Variants in CSMD2 observed in about 807,000 individuals in gnomAD.
CSMD2 encodes CUB and sushi domain-containing protein 2.
A neutral mutation model predicts 398.5 loss-of-function variants in CSMD2; 130 were observed. That is an observed-to-expected ratio of 0.33 (90% CI 0.28 to 0.38). The LOEUF is 0.38. Among genes scored for constraint, CSMD2 ranks in the 10% least tolerant of loss-of-function variants. The pLI, the probability that CSMD2 is intolerant of heterozygous loss-of-function variation, is 1.00. For missense variants in CSMD2, 3,829 were observed against 4,764.9 expected (o/e 0.80, Z 5.78); for synonymous variants, 1,828 against 1,908.5 (o/e 0.96, Z 1.10).
chr1:33,904,486 T>C (rs1289745232), intron 5 of CSMD2, among the ~76,000 whole-genome samples: 1 of 152,228 alleles, frequency 6.6e-6, no homozygotes, highest in East Asian at 1.9e-4. Context: ...TGTTCCATTT[T>C]CTGCCTATGA....
chr1:33,635,106 T>C lies in CSMD2; in HGVS notation c.5086+108A>G. On this transcript the variant is annotated intron_variant, in intron 31 of 70. Transcript: ENST00000373381. The surrounding 1 kb of genome is among the most constrained non-coding windows in gnomAD (Gnocchi z 5.0). ...CCTTTTGGGGAGACTGTTCTGCGATTCCCACAATGGGGCTGTATATAATTG... is the reference window on the plus strand; with the variant it reads ...CCTTTTGGGGAGACTGTTCTGCGATCCCCACAATGGGGCTGTATATAATTG... 5 of 692,030 alleles carry C rather than the reference T, an allele frequency of 7.2e-6. No homozygotes were observed. Among genetic ancestry groups the C allele is most frequent in the Non-Finnish European group, 1.3e-5 (5 of 387,812 alleles). The allele number at this position is 692,030 out of a possible 1,614,324, so 42.9% of individuals were successfully genotyped here.
chr1:33,960,520 C>G (rs1032032583), intron 3 of CSMD2, among the ~76,000 whole-genome samples: 1 of 152,216 alleles, frequency 6.6e-6, no homozygotes, highest in African/African-American at 2.4e-5. Context: ...GGACATTGAT[C>G]AGACATAGGT....
chr1:33,534,671 T>C (rs529288706), intron 62 of CSMD2, among the ~76,000 whole-genome samples: 3 of 152,366 alleles, frequency 2.0e-5, no homozygotes, highest in African/African-American at 7.2e-5. Context: ...TATTACCTAC[T>C]GGAGCATGTG....
At chr1:33,752,003 C>A (rs1316245687) in intron 13 of CSMD2, among the ~76,000 whole-genome samples, 1 of 152,004 alleles carries the variant, frequency 6.6e-6, no homozygotes, top group Non-Finnish European at 1.5e-5. Flanking sequence ...ATGCAACTGG[C>A]AGAAGGGAAG....
rs559607436 is a variant in CSMD2, at chr1:33,618,485, A to C, written c.5828-868T>G. Among the ~76,000 whole-genome samples the C allele has an allele frequency of 1.2e-4, 19 of 152,268 alleles. No homozygotes were observed. The South Asian group carries it at 3.7e-3, about 30-fold the overall frequency. On this transcript the variant is annotated intron_variant, in intron 37 of 70. Coordinates refer to ENST00000373381, the MANE Select transcript of CSMD2 (RefSeq NM_001281956.2). ...CTAAGGACTTTCATGATCTTGGCCTAGTCCTCTTTCAAGATCACCTCCACA... is the reference window on the plus strand; with the variant it reads ...CTAAGGACTTTCATGATCTTGGCCTCGTCCTCTTTCAAGATCACCTCCACA...
At chr1:34,000,486 G>A (rs947868291) in intron 3 of CSMD2, among the ~76,000 whole-genome samples, 15 of 152,080 alleles carry the variant, frequency 9.9e-5, no homozygotes, top group African/African-American at 3.4e-4. Flanking sequence ...GAGGACAAAT[G>A]GACCACAAAA....
intron 44 of CSMD2, among the ~76,000 whole-genome samples, chr1:33,590,008 C>T (rs571859799): frequency 1.3e-5 from 2 of 152,066 alleles, no homozygotes; most frequent in African/African-American, 4.8e-5. Context: ...CTAAGGCATA[C>T]TAAACTTTTC....
At chr1:33,896,738 C>CT (rs1642410694) in intron 5 of CSMD2, among the ~76,000 whole-genome samples, 1 of 152,132 alleles carries the variant, frequency 6.6e-6, no homozygotes, top group African/African-American at 2.4e-5. Context: ...ACTCTACTGA[C>CT]TGGGAGGAGG....
intron 2 of CSMD2, among the ~76,000 whole-genome samples, chr1:34,083,240 T>A (rs948617450): frequency 1.1e-4 from 16 of 152,224 alleles, no homozygotes; most frequent in African/African-American, 3.9e-4. Flanking sequence ...AAAATGCTGC[T>A]AGGACTCATC....
In CSMD2 at chr1:34,163,887, G is replaced by A. The variant is rs1174619228; in HGVS notation, c.187+1024C>T. 6.6e-6 allele frequency among the ~76,000 whole-genome samples: 1 copy of A among 152,128 alleles called. No homozygotes were observed. Among genetic ancestry groups the A allele is most frequent in the African/African-American group, 2.4e-5 (1 of 41,440 alleles). On this transcript the variant is annotated intron_variant, in intron 1 of 70. Coordinates refer to ENST00000373381, the MANE Select transcript of CSMD2 (RefSeq NM_001281956.2). The surrounding 1 kb of genome is among the most constrained non-coding windows in gnomAD (Gnocchi z 5.4). ...CGGAGGGGTGCTGTGGGTAAAGCGG[G>A]AGGGCACCAGTCGCGGCCAGTAGCC...
chr1:33,974,179 A>T (rs1459149670), intron 3 of CSMD2, among the ~76,000 whole-genome samples: 3 of 152,244 alleles, frequency 2.0e-5, no homozygotes, highest in African/African-American at 7.2e-5. Context: ...CCCTTGGCAA[A>T]CATCCCCGGT....
intron 64 of CSMD2, among the ~76,000 whole-genome samples, chr1:33,527,897 T>C (rs10798961): frequency 0.78 from 115,119 of 148,260 alleles, 44,845 homozygotes; most frequent in African/African-American, 0.84. Flanking sequence ...GCCAAGATCA[T>C]GCCACTGCAC....
At chr1:33,613,762 C>T (rs1487844901) in intron 40 of CSMD2, among the ~76,000 whole-genome samples, 1 of 152,176 alleles carries the variant, frequency 6.6e-6, no homozygotes, top group Non-Finnish European at 1.5e-5. Flanking sequence ...ATGACCCGTG[C>T]GTACGGCCCA....
At chr1:33,579,925 C>T (rs924629161) in intron 48 of CSMD2, among the ~76,000 whole-genome samples, 7 of 152,106 alleles carry the variant, frequency 4.6e-5, no homozygotes, top group South Asian at 2.1e-4. Flanking sequence ...GTGATCTGCC[C>T]GCCTTGGCAT....
At chr1:34,123,049 TA>T (rs1360407152) in intron 1 of CSMD2, among the ~76,000 whole-genome samples, 3 of 152,178 alleles carry the variant, frequency 2.0e-5, no homozygotes, top group South Asian at 2.1e-4. Flanking sequence ...TTTTTGTCTG[TA>T]GTTCCTGTAG....
chr1:33,519,392 G>A lies in CSMD2; in HGVS notation c.*53+73C>T. 1.1e-6 allele frequency: 1 copy of A among 908,232 alleles called. No individual in the cohort carries two copies. Among genetic ancestry groups the A allele is most frequent in the South Asian group, 1.5e-5 (1 of 66,298 alleles). 56.3% of individuals were successfully genotyped at this position (908,232 alleles called of 1,614,324 possible). A position where few individuals can be genotyped will look rare whatever the true frequency, so the allele number is the denominator to read the frequency against. On this transcript the variant is annotated intron_variant, in intron 70 of 70. Coordinates refer to ENST00000373381, the MANE Select transcript of CSMD2 (RefSeq NM_001281956.2). This position sits in a 1 kb window ranked among gnomAD's most constrained non-coding sequence, Gnocchi z 5.6. The stretch of plus-strand genomic sequence containing the variant: ...TATGTGGTGTGTGCGACTCCGTTGG[G>A]TGGAGCCCCTGGCACGCATAGGTCC...
chr1:33,940,088 T>C (rs1168925168), intron 3 of CSMD2, among the ~76,000 whole-genome samples: 3 of 152,222 alleles, frequency 2.0e-5, no homozygotes, highest in Admixed American at 6.5e-5. Flanking sequence ...TCTTTGAAAC[T>C]TGTAGGTGAA....
chr1:33,565,446 C>T (rs1395850427), intron 53 of CSMD2, among the ~76,000 whole-genome samples: 1 of 151,894 alleles, frequency 6.6e-6, no homozygotes, highest in East Asian at 1.9e-4. Context: ...TTACCACACA[C>T]AAAACCTTAT....
intron 1 of CSMD2, among the ~76,000 whole-genome samples, chr1:34,153,958 G>A (rs922171711): frequency 6.6e-6 from 1 of 152,190 alleles, no homozygotes; most frequent in African/African-American, 2.4e-5. Context: ...ATGGATTAAA[G>A]ACTAGAAGAA....
Sources: allele counts gnomAD v4.1 joint callset (sites outside exome capture counted in the v4.1 genomes callset), GRCh38; gene constraint gnomAD v4.1.1; non-coding constraint Gnocchi (gnomAD v3.1); transcripts MANE v1.5; gene names NCBI Gene and HGNC (gene_info 2026-07-23, HGNC 2026-07-21).